RAI2: variants seen among roughly 807,000 people sequenced by gnomAD.
RAI2 encodes retinoic acid-induced protein 2.
RAI2 carries 5 observed loss-of-function variants against 15.3 expected under a neutral mutation model. The ratio of observed to expected loss-of-function variants is 0.33; its 90% CI spans 0.17 to 0.69. RAI2 has a LOEUF of 0.69. Among genes scored for constraint, RAI2 ranks in the 30% least tolerant of loss-of-function variants. The pLI is 0.69. For missense variants in RAI2, 424 were observed against 424.7 expected (o/e 1.00, Z 0.01); for synonymous variants, 191 against 184.0 (o/e 1.04, Z -0.31).
rs1244424991 is a variant in RAI2 at position 17,800,259 on chromosome X, A to G, written c.*159T>C. On this transcript the variant is annotated 3_prime_UTR_variant, in exon 2 of 2. Coordinates refer to ENST00000451717, the MANE Select transcript of RAI2 (RefSeq NM_021785.6). ...GAAAAGTCAAAAATTAAAAAAGAAAATGATACTAGCATACAGGGCCTCTAG... is the reference window on the plus strand; with the variant it reads ...GAAAAGTCAAAAATTAAAAAAGAAAGTGATACTAGCATACAGGGCCTCTAG... 31 of 664,832 alleles carry G rather than the reference A, an allele frequency of 4.7e-5. No homozygotes were observed. Among genetic ancestry groups the G allele is most frequent in the Non-Finnish European group, 6.3e-5 (30 of 477,507 alleles). The allele number at this position is 664,832 out of a possible 1,213,427, so 54.8% of individuals were successfully genotyped here.
chrX:17,854,441 C>T (rs1384936114), intron 1 of RAI2, among the ~76,000 whole-genome samples: 12 of 112,087 alleles, frequency 1.1e-4, no homozygotes, highest in Non-Finnish European at 2.3e-4. Flanking sequence ...TTCTGCAGTG[C>T]CCCCACTTTG....
At chrX:17,855,474 G>T (rs943469709) in intron 1 of RAI2, among the ~76,000 whole-genome samples, 12 of 111,900 alleles carry the variant, frequency 1.1e-4, no homozygotes, top group African/African-American at 3.6e-4. Context: ...TGGGTTTCTG[G>T]GTCCCACATT....
chrX:17,813,575 T>A (rs1249448833), intron 1 of RAI2, among the ~76,000 whole-genome samples: 1 of 111,259 alleles, frequency 9.0e-6, no homozygotes, highest in Non-Finnish European at 1.9e-5. Context: ...TGAGATCAAA[T>A]AAAGGGGGCA....
chrX:17,859,322 G>A (rs1414495350), intron 1 of RAI2, among the ~76,000 whole-genome samples: 2 of 111,778 alleles, frequency 1.8e-5, no homozygotes, highest in South Asian at 7.6e-4. Context: ...TCCAGAAAAC[G>A]GTGGGAAAGA....
chrX:17,827,086 A>T (rs772576368), intron 1 of RAI2, among the ~76,000 whole-genome samples: 1 of 112,802 alleles, frequency 8.9e-6, no homozygotes, highest in Non-Finnish European at 1.9e-5. Context: ...TTGACTTATG[A>T]TGAGTAAGAG....
At chrX:17,847,926 G>A (rs2067482420) in intron 1 of RAI2, among the ~76,000 whole-genome samples, 1 of 111,873 alleles carries the variant, frequency 8.9e-6, no homozygotes, top group South Asian at 3.8e-4. Context: ...AGCCGCTCAT[G>A]GGTAGATGGC....
In RAI2 at chrX:17,801,332, G is replaced by C; in HGVS notation, c.679C>G (p.Pro227Ala). ...FSSPLSPLVP[P>A]ATLLVPYPVI... ...GGATACGGCACCAAGAGGGTGGCTGGTGGGACCAGGGGGGACAAGGGGGAG... is the reference window on the plus strand; with the variant it reads ...GGATACGGCACCAAGAGGGTGGCTGCTGGGACCAGGGGGGACAAGGGGGAG... The change falls in exon 2 of 2, where the codon CCA becomes GCA. Residue 227 changes from proline (P) to alanine (A), a missense_variant. Transcript: ENST00000451717. The C allele has an allele frequency of 1.1e-5, 13 of 1,169,244 alleles. No individual in the cohort carries two copies. The highest frequency in any genetic ancestry group is 1.5e-5 in the Non-Finnish European group (13 of 873,502).
intron 1 of RAI2, among the ~76,000 whole-genome samples, chrX:17,803,936 C>CTTTTT (rs11448927): frequency 1.0e-5 from 1 of 100,034 alleles, no homozygotes. Flanking sequence ...TCCAACATGC[C>CTTTTT]TTTTTTTTTT....
intron 1 of RAI2, among the ~76,000 whole-genome samples, chrX:17,836,514 A>G (rs1310919849): frequency 8.9e-6 from 1 of 112,222 alleles, no homozygotes; most frequent in African/African-American, 3.2e-5. Context: ...TTCGAAGCAC[A>G]ATTTCTAGCG....
intron 1 of RAI2, among the ~76,000 whole-genome samples, chrX:17,829,338 T>C (rs1175947136): frequency 1.0e-5 from 1 of 95,819 alleles, no homozygotes; most frequent in Non-Finnish European, 2.1e-5. Flanking sequence ...TCCAGAGAAA[T>C]GGATTAGGCT....
At chrX:17,834,780 C>A (rs1308414595) in intron 1 of RAI2, among the ~76,000 whole-genome samples, 1 of 110,441 alleles carries the variant, frequency 9.1e-6, no homozygotes, top group Non-Finnish European at 1.9e-5. Flanking sequence ...AGGTGGGATT[C>A]CAAGGTAGCT....
chrX:17,854,697 G>T (rs1290742322), intron 1 of RAI2, among the ~76,000 whole-genome samples: 1 of 112,520 alleles, frequency 8.9e-6, no homozygotes. Flanking sequence ...TGCTGAAAAA[G>T]AACAGTTGCT....
At chrX:17,808,185 T>C (rs2067003534) in intron 1 of RAI2, among the ~76,000 whole-genome samples, 1 of 111,565 alleles carries the variant, frequency 9.0e-6, no homozygotes, top group African/African-American at 3.3e-5. Flanking sequence ...AGCCAAAAGA[T>C]TGAATACCCC....
At chrX:17,838,179 T>C (rs769970699) in intron 1 of RAI2, among the ~76,000 whole-genome samples, 10 of 112,331 alleles carry the variant, frequency 8.9e-5, no homozygotes, top group Non-Finnish European at 1.5e-4. Context: ...TTGGGAGATA[T>C]TGACTAGAAA....
rs764025511 is a variant in RAI2 at position 17,809,586 on chromosome X, TATGTGTGTGC to T, written c.-24-7562_-24-7553del. On this transcript the variant is annotated intron_variant, in intron 1 of 1. Transcript: ENST00000451717. Reference sequence around the variant, plus strand: ...AGGAAGGCATATAAATCTAATTATATATGTGTGTGCATGTGTGTGTGTGTTAAGGGGAGTG... The same window carrying T: ...AGGAAGGCATATAAATCTAATTATATATGTGTGTGTGTGTTAAGGGGAGTG... Among the ~76,000 whole-genome samples, 540 of 112,010 alleles carry T rather than the reference TATGTGTGTGC, an allele frequency of 4.8e-3. 4 individuals carry two copies. The highest frequency in any genetic ancestry group is 0.016 in the African/African-American group (499 of 30,796).
intron 1 of RAI2, among the ~76,000 whole-genome samples, chrX:17,834,880 G>A (rs1013450585): frequency 9.0e-6 from 1 of 110,887 alleles, no homozygotes; most frequent in Non-Finnish European, 1.9e-5. Context: ...GGTTTTTATG[G>A]TGGTGGCTCA....
chrX:17,839,567 G>A (rs751984021), intron 1 of RAI2, among the ~76,000 whole-genome samples: 1 of 112,510 alleles, frequency 8.9e-6, no homozygotes, highest in East Asian at 2.8e-4. Context: ...GAACTCCACT[G>A]AGTCCATTTC....
intron 1 of RAI2, among the ~76,000 whole-genome samples, chrX:17,847,045 C>G (rs1286586838): frequency 8.9e-6 from 1 of 111,988 alleles, no homozygotes; most frequent in Non-Finnish European, 1.9e-5. Context: ...CTTCCTTAGT[C>G]TTCCACCATG....
chrX:17,813,235 T>C (rs1034127069), intron 1 of RAI2, among the ~76,000 whole-genome samples: 1 of 111,004 alleles, frequency 9.0e-6, no homozygotes, highest in Non-Finnish European at 1.9e-5. Flanking sequence ...CTAATATTTA[T>C]TTTTGCCTAC....
Sources: allele counts gnomAD v4.1 joint callset (sites outside exome capture counted in the v4.1 genomes callset), GRCh38; gene constraint gnomAD v4.1.1; transcripts MANE v1.5; gene names NCBI Gene and HGNC (gene_info 2026-07-23, HGNC 2026-07-21).